ARHGEF28: variants seen among roughly 807,000 people sequenced by gnomAD.
ARHGEF28 encodes the protein Rho guanine nucleotide exchange factor 28.
Under a neutral mutation model 206.6 loss-of-function variants are expected in ARHGEF28, and 152 were observed. The ratio of observed to expected loss-of-function variants is 0.74; its 90% CI spans 0.64 to 0.84. The LOEUF (loss-of-function observed/expected upper bound fraction) is 0.84. ARHGEF28 is among the 40% of genes least tolerant of loss of function. ARHGEF28 has a pLI of 0.00. For missense variants in ARHGEF28, 2,028 were observed against 2,073.2 expected, an observed-to-expected ratio of 0.98 and a Z score of 0.42; for synonymous variants, 763 against 776.4, an observed-to-expected ratio of 0.98 and a Z score of 0.29.
rs770072921 is a variant in ARHGEF28, at chr5:73,794,322, TTAC to T, written c.911-79_911-77del. 2.9e-5 allele frequency: 36 copies of T among 1,224,348 alleles called. No homozygotes were observed. In the South Asian group the frequency reaches 4.5e-4, roughly 15 times the overall value. The allele number at this position is 1,224,348 out of a possible 1,614,324, so 75.8% of individuals were successfully genotyped here. ...TGCAGAAGGCTCCTGGGCAACTCATTTACACTTGTCAGCTAGTAGTTGTTGTTC... is the reference window on the plus strand; with the variant it reads ...TGCAGAAGGCTCCTGGGCAACTCATTACTTGTCAGCTAGTAGTTGTTGTTC... On this transcript the variant is annotated intron_variant, in intron 7 of 35. Transcript: ENST00000513042.
intron 1 of ARHGEF28, among the ~76,000 whole-genome samples, chr5:73,656,899 G>A (rs1047581404): frequency 2.0e-5 from 3 of 152,090 alleles, no homozygotes; most frequent in Admixed American, 6.6e-5. Context: ...GGCTGGGCGC[G>A]GTGGCTCATG....
At chr5:73,671,464 C>T (rs1422479032) in intron 1 of ARHGEF28, among the ~76,000 whole-genome samples, 4 of 151,882 alleles carry the variant, frequency 2.6e-5, no homozygotes, top group Non-Finnish European at 2.9e-5. Context: ...GGCTTTTGTA[C>T]CCGCCAGTTC....
intron 22 of ARHGEF28, among the ~76,000 whole-genome samples, chr5:73,879,198 T>G (rs1760742455): frequency 6.6e-6 from 1 of 152,228 alleles, no homozygotes; most frequent in African/African-American, 2.4e-5. Flanking sequence ...CTGATACCCT[T>G]CCTTCCAGCT....
At chr5:73,899,783 A>C (rs1036418360) in intron 30 of ARHGEF28, 2 of 152,188 alleles carry the variant, frequency 1.3e-5, no homozygotes, top group Non-Finnish European at 2.9e-5. Flanking sequence ...ATACATGATG[A>C]GTATCTTCTA....
intron 6 of ARHGEF28, among the ~76,000 whole-genome samples, chr5:73,778,578 C>T (rs1222729941): frequency 6.6e-6 from 1 of 151,982 alleles, no homozygotes; most frequent in Non-Finnish European, 1.5e-5. Flanking sequence ...TCCTTCCTTT[C>T]TTGAGGTGTA....
intron 12 of ARHGEF28, among the ~76,000 whole-genome samples, chr5:73,848,572 A>G (rs1266274031): frequency 6.6e-6 from 1 of 152,102 alleles, no homozygotes; most frequent in Non-Finnish European, 1.5e-5. Flanking sequence ...AGTAATCCTT[A>G]AATATAGAAA....
chr5:73,858,026 T>C (rs528509928), intron 15 of ARHGEF28, 61 bp from the exon 16 acceptor site: 1 of 1,545,156 alleles, frequency 6.5e-7, no homozygotes, highest in Admixed American at 2.1e-5. Flanking sequence ...GAAAGTTGGC[T>C]CACAGCGTTT....
chr5:73,788,907 A>G (rs1754307560), intron 7 of ARHGEF28, among the ~76,000 whole-genome samples: 1 of 151,022 alleles, frequency 6.6e-6, no homozygotes, highest in African/African-American at 2.5e-5. Flanking sequence ...TCTTTGCTTT[A>G]GAGATTTCTA....
At chr5:73,651,552 G>A (rs1744831117) in intron 1 of ARHGEF28, among the ~76,000 whole-genome samples, 1 of 152,110 alleles carries the variant, frequency 6.6e-6, no homozygotes, top group South Asian at 2.1e-4. Context: ...AACATATAGG[G>A]CCTGGTGTGT....
At chr5:73,935,837 T>C (rs1016977399) in intron 35 of ARHGEF28, among the ~76,000 whole-genome samples, 1 of 152,148 alleles carries the variant, frequency 6.6e-6, no homozygotes, top group Admixed American at 6.6e-5. Context: ...GCTCAGAAGA[T>C]ACGCAGTTCT....
chr5:73,650,110 G>A (rs1385242813), intron 1 of ARHGEF28, among the ~76,000 whole-genome samples: 1 of 152,114 alleles, frequency 6.6e-6, no homozygotes, highest in African/African-American at 2.4e-5. Context: ...GGGAAACACG[G>A]CTAAACATGC....
At chr5:73,663,372 T>G (rs1484300355) in intron 1 of ARHGEF28, among the ~76,000 whole-genome samples, 1 of 152,212 alleles carries the variant, frequency 6.6e-6, no homozygotes. Flanking sequence ...GGATCTGCTC[T>G]CTCCAGGACT....
chr5:73,936,440 C>T (rs750404532), intron 35 of ARHGEF28, among the ~76,000 whole-genome samples: 119 of 152,274 alleles, frequency 7.8e-4, no homozygotes, highest in Admixed American at 3.1e-3. Flanking sequence ...TTCATACCTG[C>T]GTCAGATAAT....
At chr5:73,794,340 A>T (rs75265190) in intron 7 of ARHGEF28, 62 bp from the exon 8 acceptor site, 19 of 1,310,910 alleles carry the variant, frequency 1.4e-5, no homozygotes, top group Middle Eastern at 1.8e-4. Context: ...GTCAGCTAGT[A>T]GTTGTTGTTC....
At chr5:73,796,994 A>G (rs988259163) in intron 9 of ARHGEF28, among the ~76,000 whole-genome samples, 6 of 152,334 alleles carry the variant, frequency 3.9e-5, no homozygotes, top group Non-Finnish European at 7.3e-5. Context: ...TCTTAATTTC[A>G]GGTTTTAAAA....
intron 1 of ARHGEF28, among the ~76,000 whole-genome samples, chr5:73,671,320 A>G (rs1315885416): frequency 6.6e-6 from 1 of 152,184 alleles, no homozygotes; most frequent in African/African-American, 2.4e-5. Context: ...ACAGTAATAC[A>G]TTCCTTTACT....
At chr5:73,804,470 G>A (rs1438440934) in intron 9 of ARHGEF28, among the ~76,000 whole-genome samples, 3 of 152,262 alleles carry the variant, frequency 2.0e-5, no homozygotes, top group Middle Eastern at 3.4e-3. Flanking sequence ...TTTAGCATCG[G>A]TTCCACAAAC....
At chr5:73,827,660 A>G (rs999292316) in intron 9 of ARHGEF28, among the ~76,000 whole-genome samples, 9 of 152,202 alleles carry the variant, frequency 5.9e-5, no homozygotes, top group Non-Finnish European at 1.3e-4. Context: ...GCAACACACG[A>G]GTGTTTTTCA....
At chr5:73,914,202 G>A (rs1009871743) in intron 35 of ARHGEF28, among the ~76,000 whole-genome samples, 5 of 151,946 alleles carry the variant, frequency 3.3e-5, no homozygotes, top group African/African-American at 4.8e-5. Flanking sequence ...TTTTACATGG[G>A]GAAACTCATT....
Sources: allele counts gnomAD v4.1 joint callset (sites outside exome capture counted in the v4.1 genomes callset), GRCh38; gene constraint gnomAD v4.1.1; transcripts MANE v1.5; gene names NCBI Gene and HGNC (gene_info 2026-07-23, HGNC 2026-07-21).